The following SNAP25 variants were observed in gnomAD, a reference collection of about 807,000 sequenced individuals.
SNAP25 encodes the protein synaptosome associated protein 25.
SNAP25 carries 3 observed loss-of-function variants against 28.7 expected under a neutral mutation model. That is an observed-to-expected ratio of 0.10 (90% CI 0.05 to 0.27). The LOEUF (loss-of-function observed/expected upper bound fraction) is 0.27. Ranked by LOEUF, SNAP25 falls within the 10% of genes least tolerant of loss-of-function variation. SNAP25 has a pLI of 1.00. For synonymous variants in SNAP25, 61 were observed against 88.1 expected (o/e 0.69, Z 1.72); for missense variants, 117 against 278.7 (o/e 0.42, Z 4.13).
chr20:10,283,127 A>G (rs1287025468), intron 3 of SNAP25, among the ~76,000 whole-genome samples: 1 of 152,204 alleles, frequency 6.6e-6, no homozygotes, highest in African/African-American at 2.4e-5. Context: ...ATACTCGATA[A>G]TGATGATATT....
At chr20:10,302,502 T>C (rs6039824) in intron 7 of SNAP25, among the ~76,000 whole-genome samples, 7,762 of 152,240 alleles carry the variant, frequency 0.051, 651 homozygotes, top group African/African-American at 0.17. Flanking sequence ...AAAAGTCACC[T>C]GGCATGGTCT....
At position 10,225,351 on chromosome 20, in the gene SNAP25, A is replaced by G. The variant is rs139732037; in HGVS notation, c.-64+6374A>G. ...CTAACTGATTTTCTTATTGTTGACTACAGAGGTCAACCTCAGCAGTGACTG... is the reference window on the plus strand; with the variant it reads ...CTAACTGATTTTCTTATTGTTGACTGCAGAGGTCAACCTCAGCAGTGACTG... On this transcript the variant is annotated intron_variant, in intron 1 of 7. Coordinates refer to ENST00000254976, the MANE Select transcript of SNAP25 (RefSeq NM_130811.4). 2.0e-5 allele frequency among the ~76,000 whole-genome samples: 3 copies of G among 152,266 alleles called. No homozygotes were observed. In the East Asian group the frequency reaches 5.8e-4, roughly 29 times the overall value.
At chr20:10,252,605 A>G (rs1346868393) in intron 1 of SNAP25, among the ~76,000 whole-genome samples, 3 of 152,212 alleles carry the variant, frequency 2.0e-5, no homozygotes, top group Admixed American at 6.5e-5. Flanking sequence ...TTTGAAATAA[A>G]TGTGTGCATT....
At chr20:10,278,929 G>A (rs1315155927) in intron 3 of SNAP25, among the ~76,000 whole-genome samples, 1 of 142,456 alleles carries the variant, frequency 7.0e-6, no homozygotes, top group Admixed American at 7.0e-5. Context: ...TGGGTGGGGC[G>A]GGGGGTGGGA....
chr20:10,260,159 G>A (rs143246059), intron 1 of SNAP25, among the ~76,000 whole-genome samples: 299 of 152,182 alleles, frequency 2.0e-3, no homozygotes, highest in African/African-American at 6.9e-3. Flanking sequence ...TGCCAATTTG[G>A]TAATTCTCAG....
chr20:10,275,279 C>A, intron 1 of SNAP25, 150 bp from the exon 2 acceptor site: 1 of 341,486 alleles, frequency 2.9e-6, no homozygotes, highest in African/African-American at 2.1e-5. Context: ...AGAAACAGCA[C>A]AATTCTGTTG....
At chr20:10,290,017 C>A (rs1447617800) in intron 4 of SNAP25, among the ~76,000 whole-genome samples, 1 of 151,906 alleles carries the variant, frequency 6.6e-6, no homozygotes, top group African/African-American at 2.4e-5. Flanking sequence ...CTCCTCCCAG[C>A]CCCCAAGAAT....
At chr20:10,299,579 C>T (rs539476262) in intron 7 of SNAP25, among the ~76,000 whole-genome samples, 167 bp downstream of exon 7, 1 of 152,126 alleles carries the variant, frequency 6.6e-6, no homozygotes, top group Non-Finnish European at 1.5e-5. Context: ...GACTCAGCAA[C>T]AGAATTGGAG....
Position 10,293,331 on chromosome 20 carries a change from G to A in SNAP25, c.281+53G>A. ...TTGATTTCCCAAGGCCCATCTCCAA[G>A]CCTTGACAAGCTCATTCCTGCCAAG... On this transcript the variant is annotated intron_variant, in intron 5 of 7. Transcript: ENST00000254976. This position sits in a 1 kb window ranked among gnomAD's most constrained non-coding sequence, Gnocchi z 5.6. 2.9e-6 allele frequency: 4 copies of A among 1,379,448 alleles called. No homozygotes were observed. The highest frequency in any genetic ancestry group is 1.8e-4 in the Middle Eastern group (1 of 5,614). The allele number at this position is 1,379,448 out of a possible 1,614,324, so 85.5% of individuals were successfully genotyped here. A position where few individuals can be genotyped will look rare whatever the true frequency, so the allele number is the denominator to read the frequency against.
chr20:10,224,384 C>T (rs1372955810), intron 1 of SNAP25, among the ~76,000 whole-genome samples: 1 of 144,044 alleles, frequency 6.9e-6, no homozygotes, highest in African/African-American at 2.6e-5. Context: ...GAAACAACTG[C>T]TTGTAATTTC....
intron 1 of SNAP25, among the ~76,000 whole-genome samples, chr20:10,251,059 G>T (rs1248855392): frequency 6.6e-6 from 1 of 152,134 alleles, no homozygotes; most frequent in South Asian, 2.1e-4. Flanking sequence ...ACGCATGACT[G>T]TATACTCCAA....
chr20:10,304,039 C>A (rs76135249), intron 7 of SNAP25, among the ~76,000 whole-genome samples: 265 of 152,246 alleles, frequency 1.7e-3, no homozygotes, highest in Non-Finnish European at 3.0e-3. Context: ...AACTAATGAG[C>A]CCTTCGTTTT....
At chr20:10,291,995 C>G (rs922644846) in intron 4 of SNAP25, among the ~76,000 whole-genome samples, 3 of 152,174 alleles carry the variant, frequency 2.0e-5, no homozygotes, top group African/African-American at 7.2e-5. Flanking sequence ...AAGTATGATT[C>G]ATTTTTATGA....
Position 10,293,575 on chromosome 20 carries a change from G to A in SNAP25, c.281+297G>A, listed in dbSNP as rs2064044041. On this transcript the variant is annotated intron_variant, in intron 5 of 7. Transcript: ENST00000254976. This position sits in a 1 kb window ranked among gnomAD's most constrained non-coding sequence, Gnocchi z 5.6. ...GACAGAGGCTAGCCTCAAGAAAGAG[G>A]CACCCAGGGAACTTCCTTTTCCCCA... 2.0e-5 allele frequency among the ~76,000 whole-genome samples: 3 copies of A among 152,192 alleles called. No individual in the cohort carries two copies. The highest frequency in any genetic ancestry group is 7.2e-5 in the African/African-American group (3 of 41,442).
At chr20:10,274,086 C>T (rs749176273) in intron 1 of SNAP25, among the ~76,000 whole-genome samples, 1 of 152,066 alleles carries the variant, frequency 6.6e-6, no homozygotes, top group Non-Finnish European at 1.5e-5. Context: ...ATCACTGTAT[C>T]CCTAGTGCCT....
intron 1 of SNAP25, among the ~76,000 whole-genome samples, chr20:10,257,572 T>G (rs2122861146): frequency 6.6e-6 from 1 of 152,144 alleles, no homozygotes; most frequent in South Asian, 2.1e-4. Flanking sequence ...ATTAGCTGGG[T>G]GTGGTGGTGC....
At chr20:10,268,551 C>T (rs1358572359) in intron 1 of SNAP25, among the ~76,000 whole-genome samples, 2 of 152,140 alleles carry the variant, frequency 1.3e-5, no homozygotes, top group African/African-American at 4.8e-5. Flanking sequence ...TGTCTCTATT[C>T]ACTTTGTATA....
intron 3 of SNAP25, 73 bp downstream of exon 3, chr20:10,277,799 A>C: frequency 7.2e-7 from 1 of 1,394,188 alleles, no homozygotes; most frequent in South Asian, 1.2e-5. Context: ...AGTTGCTATG[A>C]TGTTTCCTTG....
intron 1 of SNAP25, among the ~76,000 whole-genome samples, chr20:10,228,842 T>C (rs1352146420): frequency 6.6e-6 from 1 of 152,190 alleles, no homozygotes; most frequent in Non-Finnish European, 1.5e-5. Context: ...GAAGGCCATA[T>C]GCTTCTTTTC....
Sources: gnomAD v4.1 joint callset for allele counts (sites outside exome capture counted in the v4.1 genomes callset) on GRCh38, gnomAD v4.1.1 for gene constraint, Gnocchi (gnomAD v3.1) non-coding constraint, MANE v1.5 for transcripts, NCBI Gene and HGNC (gene_info 2026-07-23, HGNC 2026-07-21) for gene names.